The following MOB3A variants were observed in gnomAD, a reference collection of about 807,000 sequenced individuals.
MOB3A encodes MOB kinase activator 3A.
Under a neutral mutation model 17.8 loss-of-function variants are expected in MOB3A, and 17 were observed. That is an observed-to-expected ratio of 0.95 (90% CI 0.65 to 1.43). The LOEUF is 1.43. Among genes scored for constraint, MOB3A ranks in the 40% most tolerant of loss-of-function variants. The pLI, the probability that MOB3A is intolerant of heterozygous loss-of-function variation, is 0.00. For synonymous variants in MOB3A, 124 were observed against 133.2 expected (o/e 0.93, Z 0.48); for missense variants, 333 against 310.8 (o/e 1.07, Z -0.54).
chr19:2,078,643 C>G lies in MOB3A; in HGVS notation c.-83G>C. 8 of 1,369,954 alleles carry G rather than the reference C, an allele frequency of 5.8e-6. No individual in the cohort carries two copies. Among genetic ancestry groups the G allele is most frequent in the Non-Finnish European group, 7.9e-6 (8 of 1,012,284 alleles). 84.9% of individuals were successfully genotyped at this position (1,369,954 alleles called of 1,614,324 possible). On this transcript the variant is annotated 5_prime_UTR_variant, in exon 3 of 5. Transcript: ENST00000357066. Reference sequence around the variant, plus strand: ...GGGTGCTGACCAACCCGAGAGGCCACGAAACACTCACCAAGCCCCACAGCT... The same window carrying G: ...GGGTGCTGACCAACCCGAGAGGCCAGGAAACACTCACCAAGCCCCACAGCT...
chr19:2,091,436 T>A (rs2017612655), intron 1 of MOB3A, among the ~76,000 whole-genome samples: 1 of 151,950 alleles, frequency 6.6e-6, no homozygotes, highest in African/African-American at 2.4e-5. Flanking sequence ...CAGGCTGGAG[T>A]GCAGTGGCGC....
At position 2,076,865 on chromosome 19, in the gene MOB3A, G is replaced by T. The variant is rs1568251545; in HGVS notation, c.570C>A (p.Phe190Leu). 4 of 1,614,082 alleles carry T rather than the reference G, an allele frequency of 2.5e-6. No individual in the cohort carries two copies. Among genetic ancestry groups the T allele is most frequent in the Non-Finnish European group, 3.4e-6 (4 of 1,180,032 alleles). The change falls in exon 4 of 5, where the codon TTC (phenylalanine) becomes TTA (leucine). Residue 190 changes from phenylalanine (F) to leucine (L), a missense_variant. Transcript: ENST00000357066. ...GGCCGAACTCCTTGACGAAATAGTAGAAGTGCTTGTAGCAGGTGTTCACGT... is the reference window on the plus strand; with the variant it reads ...GGCCGAACTCCTTGACGAAATAGTATAAGTGCTTGTAGCAGGTGTTCACGT... Reference protein sequence around the residue: ...EAHVNTCYKHFYYFVKEFGLI... With the variant: ...EAHVNTCYKHLYYFVKEFGLI...
chr19:2,081,849 A>C (rs1218692779), intron 2 of MOB3A, among the ~76,000 whole-genome samples: 2 of 152,120 alleles, frequency 1.3e-5, no homozygotes, highest in Non-Finnish European at 2.9e-5. Context: ...GGGCCTCTGT[A>C]CTCCAGCCTG....
At chr19:2,094,256 C>G (rs1230800010) in intron 1 of MOB3A, among the ~76,000 whole-genome samples, 4 of 151,952 alleles carry the variant, frequency 2.6e-5, no homozygotes, top group African/African-American at 9.7e-5. Flanking sequence ...ACTGTGTTAG[C>G]CAGTATGGTC....
chr19:2,079,149 AG>A (rs2017454722), intron 2 of MOB3A, among the ~76,000 whole-genome samples: 2 of 152,242 alleles, frequency 1.3e-5, no homozygotes, highest in African/African-American at 4.8e-5. Context: ...GCGCGTGGCG[AG>A]GCCTGACCGA....
At chr19:2,090,916 C>A (rs1364765798) in intron 1 of MOB3A, among the ~76,000 whole-genome samples, 1 of 152,224 alleles carries the variant, frequency 6.6e-6, no homozygotes, top group South Asian at 2.1e-4. Context: ...CCCACCTTGG[C>A]CTCCCAAAGT....
intron 3 of MOB3A, among the ~76,000 whole-genome samples, chr19:2,077,485 T>C (rs1165844559): frequency 4.0e-5 from 6 of 151,638 alleles, no homozygotes; most frequent in Non-Finnish European, 8.8e-5. Flanking sequence ...CAAACCCACG[T>C]TTATGGGGTG....
chr19:2,081,013 A>G (rs1236182446), intron 2 of MOB3A, among the ~76,000 whole-genome samples: 4 of 152,138 alleles, frequency 2.6e-5, no homozygotes, highest in Admixed American at 2.0e-4. Context: ...GTAGTGGCGC[A>G]TGCCTGTAAT....
At chr19:2,084,911 CAG>C (rs2017534241) in intron 2 of MOB3A, among the ~76,000 whole-genome samples, 1 of 151,026 alleles carries the variant, frequency 6.6e-6, no homozygotes, top group African/African-American at 2.4e-5. Flanking sequence ...TATTTAGAGA[CAG>C]GGGTTTCACC....
intron 1 of MOB3A, chr19:2,095,467 C>G (rs1168816138): frequency 6.6e-6 from 1 of 152,276 alleles, no homozygotes; most frequent in Non-Finnish European, 1.5e-5. Context: ...AGGGCCTATT[C>G]GAAAGGGCCC....
chr19:2,078,569 C>G lies in MOB3A; in HGVS notation c.-9G>C. The G allele has an allele frequency of 6.4e-7, 1 of 1,555,802 alleles. No individual in the cohort carries two copies. Among genetic ancestry groups the G allele is most frequent in the Non-Finnish European group, 8.7e-7 (1 of 1,147,116 alleles). On this transcript the variant is annotated 5_prime_UTR_variant, in exon 3 of 5. Transcript: ENST00000357066. ...AGGAAGGGGTTGGACATCTTGGTGA[C>G]GCCTGCTCTCCTGGACTTCTGTAGA...
chr19:2,086,378 T>G (rs2017554374), intron 1 of MOB3A, among the ~76,000 whole-genome samples: 1 of 150,026 alleles, frequency 6.7e-6, no homozygotes, highest in South Asian at 2.1e-4. Context: ...TTTATTTTTT[T>G]GAGGTGAAGT....
At chr19:2,089,741 G>T (rs1437546161) in intron 1 of MOB3A, among the ~76,000 whole-genome samples, 1 of 152,146 alleles carries the variant, frequency 6.6e-6, no homozygotes, top group African/African-American at 2.4e-5. Context: ...GTTTATTCTG[G>T]TGTCTGGTGT....
At position 2,071,922 on chromosome 19, in the gene MOB3A, G is replaced by C. The variant is rs1464171723; in HGVS notation, c.*1473C>G. 1 of 152,328 alleles carries C rather than the reference G, an allele frequency of 6.6e-6. No individual in the cohort carries two copies. Among genetic ancestry groups the C allele is most frequent in the Non-Finnish European group, 1.5e-5 (1 of 68,152 alleles). 9.4% of individuals were successfully genotyped at this position (152,328 alleles called of 1,614,324 possible). On this transcript the variant is annotated 3_prime_UTR_variant, in exon 5 of 5. Coordinates refer to ENST00000357066, the MANE Select transcript of MOB3A (RefSeq NM_130807.3). Reference sequence around the variant, plus strand: ...TGGCCGGGCACAGTGGCTCACGCCTGTAATCCCAGCACTTTGGGAGGCTGA... The same window carrying C: ...TGGCCGGGCACAGTGGCTCACGCCTCTAATCCCAGCACTTTGGGAGGCTGA...
In MOB3A at chr19:2,076,896, T is replaced by C; in HGVS notation, c.539A>G (p.Glu180Gly). Residue 180 changes from glutamate to glycine, a missense_variant, in exon 4 of 5, where the codon GAG becomes GGG. Glu to Gly is a moderately conservative substitution (Grantham distance 98, BLOSUM62 -2). Transcript: ENST00000357066. ...CTTGTAGCAGGTGTTCACGTGGGCCTCGGAGCCCATCTGCGCGATGCGGTC... is the reference window on the plus strand; with the variant it reads ...CTTGTAGCAGGTGTTCACGTGGGCCCCGGAGCCCATCTGCGCGATGCGGTC... ...HFDRIAQMGS[E>G]AHVNTCYKHF... 6.2e-7 allele frequency: 1 copy of C among 1,614,072 alleles called. No homozygotes were observed. The highest frequency in any genetic ancestry group is 1.1e-5 in the South Asian group (1 of 91,090).
At chr19:2,073,520 G>A (rs1172960814) in intron 4 of MOB3A, 96 bp from the exon 5 acceptor site, 39 of 1,520,828 alleles carry the variant, frequency 2.6e-5, no homozygotes, top group Non-Finnish European at 1.9e-5. Flanking sequence ...CAGAGAAACG[G>A]CAGCTGGGGG....
chr19:2,081,741 A>G (rs1371387825), intron 2 of MOB3A, among the ~76,000 whole-genome samples: 1 of 151,938 alleles, frequency 6.6e-6, no homozygotes, highest in East Asian at 1.9e-4. Flanking sequence ...AAAATTAGCC[A>G]GGCGTGATGG....
intron 1 of MOB3A, among the ~76,000 whole-genome samples, chr19:2,091,540 C>T (rs1200816364): frequency 1.3e-5 from 2 of 151,742 alleles, no homozygotes; most frequent in Non-Finnish European, 2.9e-5. Flanking sequence ...CCCGCCACTA[C>T]GCCCAGCTAA....
intron 2 of MOB3A, chr19:2,084,038 C>T (rs941009846): frequency 9.7e-6 from 4 of 414,334 alleles, no homozygotes; most frequent in African/African-American, 2.1e-5. Flanking sequence ...TCCCAAAGTG[C>T]TGGGATTACA....
Sources: allele counts gnomAD v4.1 joint callset (sites outside exome capture counted in the v4.1 genomes callset), GRCh38; gene constraint gnomAD v4.1.1; transcripts MANE v1.5; gene names NCBI Gene and HGNC (gene_info 2026-07-23, HGNC 2026-07-21).